Variants in ABCB9 observed in about 807,000 individuals in gnomAD.
The protein encoded by ABCB9 is ATP binding cassette subfamily B member 9, also known as ABC-type oligopeptide transporter ABCB9.
In ABCB9, 36 loss-of-function variants were observed where a neutral mutation model predicts 62.0. That is an observed-to-expected ratio of 0.58 (90% CI 0.45 to 0.77). The LOEUF is 0.77. Among genes scored for constraint, ABCB9 ranks in the 30% least tolerant of loss-of-function variants. The pLI, the probability that ABCB9 is intolerant of heterozygous loss-of-function variation, is 0.00. For missense variants in ABCB9, 943 were observed against 1,054.7 expected (o/e 0.89, Z 1.47); for synonymous variants, 435 against 461.4 (o/e 0.94, Z 0.73).
chr12:122,924,844 C>A (rs1268133035), downstream of ABCB9: 4 of 1,533,250 alleles, frequency 2.6e-6, no homozygotes, highest in African/African-American at 5.5e-5. Flanking sequence ...GTGACATTTG[C>A]TAAATTAATT....
rs1250411894 is a variant in ABCB9 at position 122,947,728 on chromosome 12, C to A, written c.1053+896G>T. 1 of 245,540 alleles carries A rather than the reference C, an allele frequency of 4.1e-6. No individual in the cohort carries two copies. Among genetic ancestry groups the A allele is most frequent in the Non-Finnish European group, 8.7e-6 (1 of 115,182 alleles). The allele number at this position is 245,540 out of a possible 1,614,324, so 15.2% of individuals were successfully genotyped here. A position where few individuals can be genotyped will look rare whatever the true frequency, so the allele number is the denominator to read the frequency against. On this transcript the variant is annotated intron_variant, in intron 5 of 11. Transcript: ENST00000280560. This position sits in a 1 kb window ranked among gnomAD's most constrained non-coding sequence, Gnocchi z 6.0. ...AGTGCCGTGGGGTGGCCAGAGGGGA[C>A]AGCAGCCTGCCCATGATGGCATCAC...
chr12:122,967,487 G>A (rs1397502487), upstream of ABCB9, among the ~76,000 whole-genome samples: 1 of 152,150 alleles, frequency 6.6e-6, no homozygotes, highest in Non-Finnish European at 1.5e-5. Context: ...CACATCCCTG[G>A]ATCCTCTGAT....
At chr12:122,963,530 G>A (rs2037020762) in intron 1 of ABCB9, among the ~76,000 whole-genome samples, 1 of 152,198 alleles carries the variant, frequency 6.6e-6, no homozygotes, top group East Asian at 1.9e-4. Context: ...TAAGTGACCT[G>A]CCCTGGGTCA....
rs1473209301 is a variant in ABCB9, at chr12:122,921,019, A to G, written c.*19T>C. The G allele has an allele frequency of 3.3e-6, 5 of 1,535,152 alleles. No homozygotes were observed. In the African/African-American group the frequency reaches 4.1e-5, roughly 13 times the overall value. ...TCATCATCAATCCATCTCGGTTCTG[A>G]TATCTGCAGGCTGGTCATTCAGATC... On this transcript the variant is annotated 3_prime_UTR_variant, in exon 12 of 12. Transcript: ENST00000344275.
Position 122,944,027 on chromosome 12 carries a change from C to T in ABCB9, c.1380+364G>A, listed in dbSNP as rs1670014425. On this transcript the variant is annotated intron_variant, in intron 7 of 11. Coordinates refer to ENST00000280560, the MANE Select transcript of ABCB9 (RefSeq NM_019625.4). The surrounding 1 kb of genome is among the most constrained non-coding windows in gnomAD (Gnocchi z 4.9). ...GATCTCAGCTCACTGCAACCTCTGC[C>T]TCCAGGGTTCAAGCAATTCTCCTCT... Among the ~76,000 whole-genome samples, 2 of 152,190 alleles carry T rather than the reference C, an allele frequency of 1.3e-5. No individual in the cohort carries two copies. Among genetic ancestry groups the T allele is most frequent in the Non-Finnish European group, 2.9e-5 (2 of 68,030 alleles).
Position 122,947,649 on chromosome 12 carries a change from C to T in ABCB9, c.1053+975G>A. 1 of 294,022 alleles carries T rather than the reference C, an allele frequency of 3.4e-6. No homozygotes were observed. The highest frequency in any genetic ancestry group is 7.2e-6 in the Non-Finnish European group (1 of 139,082). 18.2% of individuals were successfully genotyped at this position (294,022 alleles called of 1,614,324 possible). ...CGGGGGCACCCGCCCATTCAGGAAG[C>T]AGGAGGAGGGTGAGGTCAAACCTGG... On this transcript the variant is annotated intron_variant, in intron 5 of 11. Transcript: ENST00000280560. The surrounding 1 kb of genome is among the most constrained non-coding windows in gnomAD (Gnocchi z 6.0).
intron 2 of ABCB9, among the ~76,000 whole-genome samples, chr12:122,957,084 C>T (rs1203330731): frequency 2.6e-5 from 4 of 151,764 alleles, no homozygotes; most frequent in Non-Finnish European, 5.9e-5. Context: ...CTCTGTTGCC[C>T]GGGCTGGAGG....
At chr12:122,962,143 T>G (rs2036937914) in intron 1 of ABCB9, among the ~76,000 whole-genome samples, 1 of 152,152 alleles carries the variant, frequency 6.6e-6, no homozygotes. Flanking sequence ...GTCTGCTTTA[T>G]CCAAGGCATC....
chr12:122,955,766 C>T (rs1330914469), intron 2 of ABCB9, among the ~76,000 whole-genome samples: 1 of 149,542 alleles, frequency 6.7e-6, no homozygotes, highest in Non-Finnish European at 1.5e-5. Flanking sequence ...GGCTGGAGTG[C>T]TGTGGCACAA....
In ABCB9 at chr12:122,959,562, T is replaced by G. The variant is rs2036780169; in HGVS notation, c.601+73A>C. On this transcript the variant is annotated intron_variant, in intron 2 of 11. Transcript: ENST00000280560. This position sits in a 1 kb window ranked among gnomAD's most constrained non-coding sequence, Gnocchi z 5.4. ...GTCTGAACCACGTAAGTAAAATCTT[T>G]TAAAATCTAAGGCAGTCATATCCAC... 1 of 1,505,746 alleles carries G rather than the reference T, an allele frequency of 6.6e-7. No individual in the cohort carries two copies. Among genetic ancestry groups the G allele is most frequent in the South Asian group, 1.4e-5 (1 of 73,196 alleles). The allele number at this position is 1,505,746 out of a possible 1,614,324, so 93.3% of individuals were successfully genotyped here. A position where few individuals can be genotyped will look rare whatever the true frequency, so the allele number is the denominator to read the frequency against.
rs763611823 is a variant in ABCB9 at position 122,944,454 on chromosome 12, C to G, written c.1317G>C (p.Gln439His). ...YYGGHLVISG[Q>H]MTSGNLIAFI... ...AGGCGATGAGGTTGCCGCTGGTCAT[C>G]TGGCCTGAGATGACAAGGTGGCCCC... is the stretch of plus-strand genomic sequence containing the variant. The change falls in exon 7 of 12, where the codon CAG becomes CAC. Residue 439 changes from glutamine to histidine, a missense_variant. By Grantham distance (24) the Gln-to-His change is conservative. Transcript: ENST00000280560. The surrounding 1 kb of genome is among the most constrained non-coding windows in gnomAD (Gnocchi z 4.9). 4.3e-6 allele frequency: 7 copies of G among 1,614,114 alleles called. No individual in the cohort carries two copies. The East Asian group carries it at 1.6e-4, about 36-fold the overall frequency.
chr12:122,949,857 G>C lies in ABCB9; in HGVS notation c.778C>G (p.Arg260Gly). The change falls in exon 4 of 12, where the codon CGC becomes GGC. Residue 260 changes from arginine to glycine, a missense_variant. Arg to Gly is a moderately radical substitution (Grantham distance 125). Transcript: ENST00000280560. The part of the protein sequence containing the change: ...FTLIFARLNI[R>G]LRNCLFRSLV... Reference sequence around the variant, plus strand: ...GAGCGGAAGAGACAGTTTCGAAGGCGAATGTTCAGTCTGGCAAATATGAGG... The same window carrying C: ...GAGCGGAAGAGACAGTTTCGAAGGCCAATGTTCAGTCTGGCAAATATGAGG... The C allele has an allele frequency of 6.2e-7, 1 of 1,614,208 alleles. No individual in the cohort carries two copies. The highest frequency in any genetic ancestry group is 8.5e-7 in the Non-Finnish European group (1 of 1,180,024).
chr12:122,944,712 G>A lies in ABCB9; in HGVS notation c.1252-193C>T, dbSNP rs1289378638. The A allele has an allele frequency of 1.0e-5, 7 of 683,426 alleles. No homozygotes were observed. Among genetic ancestry groups the A allele is most frequent in the Non-Finnish European group, 1.6e-5 (7 of 431,326 alleles). 42.3% of individuals were successfully genotyped at this position (683,426 alleles called of 1,614,324 possible). On this transcript the variant is annotated intron_variant, in intron 6 of 11. Transcript: ENST00000280560. This position sits in a 1 kb window ranked among gnomAD's most constrained non-coding sequence, Gnocchi z 4.9. ...CCCCTGCCCCGAGCATTTCCCTACAGAGGCCTCCAGCTGGAGCAGGCTGTG... is the reference window on the plus strand; with the variant it reads ...CCCCTGCCCCGAGCATTTCCCTACAAAGGCCTCCAGCTGGAGCAGGCTGTG...
At chr12:122,954,183 AAAG>A (rs1302952492) in intron 2 of ABCB9, among the ~76,000 whole-genome samples, 5 of 151,994 alleles carry the variant, frequency 3.3e-5, no homozygotes, top group Admixed American at 3.3e-4. Context: ...AAAAAAAAAA[AAAG>A]GACTCCATTT....
downstream of ABCB9, among the ~76,000 whole-genome samples, chr12:122,920,363 A>G (rs74867808): frequency 2.7e-5 from 3 of 109,324 alleles, no homozygotes; most frequent in Non-Finnish European, 5.4e-5. Flanking sequence ...ACTGCAAAGG[A>G]AAAAAAAAAA....
intron 5 of ABCB9, among the ~76,000 whole-genome samples, chr12:122,946,866 A>G (rs1222841396): frequency 2.6e-5 from 4 of 152,166 alleles, no homozygotes; most frequent in Non-Finnish European, 5.9e-5. Flanking sequence ...CCCTGGGTGG[A>G]GCTGTTCACA....
chr12:122,933,617 C>A (rs1398242353), intron 10 of ABCB9, among the ~76,000 whole-genome samples: 1 of 151,782 alleles, frequency 6.6e-6, no homozygotes. Context: ...TGCACAACCA[C>A]CACCTCTACT....
Position 122,959,026 on chromosome 12 carries a change from C to T in ABCB9, c.601+609G>A, listed in dbSNP as rs1456872345. Among the ~76,000 whole-genome samples, 23 of 148,498 alleles carry T rather than the reference C, an allele frequency of 1.5e-4. No homozygotes were observed. Among genetic ancestry groups the T allele is most frequent in the African/African-American group, 5.4e-4 (22 of 40,578 alleles). ...CTGGGATTACAGGCGTGAGCCACCG[C>T]GCCTGGCCTATTTTTTCGTTTTAAA... On this transcript the variant is annotated intron_variant, in intron 2 of 11. Coordinates refer to ENST00000280560, the MANE Select transcript of ABCB9 (RefSeq NM_019625.4). The surrounding 1 kb of genome is among the most constrained non-coding windows in gnomAD (Gnocchi z 5.4).
At chr12:122,949,022 T>C (rs1424116577) in intron 4 of ABCB9, 193 bp from the exon 5 acceptor site, 1 of 503,758 alleles carries the variant, frequency 2.0e-6, no homozygotes, top group East Asian at 3.4e-5. Flanking sequence ...ATCAGCATCT[T>C]GCTTAAGCTT....
Sources: allele counts gnomAD v4.1 joint callset (sites outside exome capture counted in the v4.1 genomes callset), GRCh38; gene constraint gnomAD v4.1.1; non-coding constraint Gnocchi (gnomAD v3.1); transcripts MANE v1.5; gene names NCBI Gene and HGNC (gene_info 2026-07-23, HGNC 2026-07-21).